TENM2: variants seen among roughly 807,000 people sequenced by gnomAD.
TENM2 encodes the protein teneurin transmembrane protein 2, also known as teneurin-2.
Under a neutral mutation model 245.2 loss-of-function variants are expected in TENM2, and 52 were observed. The observed-to-expected ratio is 0.21, with a 90% CI of 0.17 to 0.27. The LOEUF (loss-of-function observed/expected upper bound fraction) is 0.27. TENM2 is among the 10% of genes least tolerant of loss of function. The probability of loss-of-function intolerance (pLI) is 1.00; values close to 1 mark genes in which losing one functional copy is unlikely to be tolerated. For synonymous variants in TENM2, 1,363 were observed against 1,438.9 expected, an observed-to-expected ratio of 0.95 and a Z score of 1.19; for missense variants, 3,046 against 3,666.8, an observed-to-expected ratio of 0.83 and a Z score of 4.37.
At chr5:167,453,408 A>G (rs572157803) in intron 2 of TENM2, among the ~76,000 whole-genome samples, 1 of 152,230 alleles carries the variant, frequency 6.6e-6, no homozygotes, top group African/African-American at 2.4e-5. Context: ...TGTTTGAGTA[A>G]AAAAGACTTA....
intron 2 of TENM2, among the ~76,000 whole-genome samples, chr5:167,554,557 T>C (rs1251796054): frequency 6.6e-6 from 1 of 152,164 alleles, no homozygotes; most frequent in Non-Finnish European, 1.5e-5. Context: ...AAAAGACACT[T>C]CCAATGGCCA....
chr5:167,598,677 T>G (rs1268344032), intron 2 of TENM2, among the ~76,000 whole-genome samples: 1 of 152,154 alleles, frequency 6.6e-6, no homozygotes, highest in Non-Finnish European at 1.5e-5. Flanking sequence ...AATCACAACC[T>G]TCCTACAAAC....
At chr5:167,582,436 C>T (rs1200550836) in intron 2 of TENM2, among the ~76,000 whole-genome samples, 2 of 152,016 alleles carry the variant, frequency 1.3e-5, no homozygotes, top group African/African-American at 2.4e-5. Flanking sequence ...TTTATATACA[C>T]ACACATATAG....
At chr5:167,758,063 A>G (rs775322641) in intron 2 of TENM2, among the ~76,000 whole-genome samples, 2 of 152,182 alleles carry the variant, frequency 1.3e-5, no homozygotes, top group Non-Finnish European at 2.9e-5. Context: ...CAGAGTTTGC[A>G]CTGTGGGGTT....
chr5:168,062,812 C>T (rs1038519188), intron 7 of TENM2, among the ~76,000 whole-genome samples: 5 of 152,120 alleles, frequency 3.3e-5, no homozygotes, highest in African/African-American at 1.2e-4. Context: ...GTGTTTTGTC[C>T]AGAATAAGCA....
At chr5:167,176,143 C>G in the TENM2 span, among the ~76,000 whole-genome samples, 1 of 152,336 alleles carries the variant, frequency 6.6e-6, no homozygotes, top group East Asian at 1.9e-4. Flanking sequence ...ATGATATTCT[C>G]TCAGTGAGTC....
At chr5:167,005,402 C>T in the TENM2 span, among the ~76,000 whole-genome samples, 1 of 152,096 alleles carries the variant, frequency 6.6e-6, no homozygotes. Flanking sequence ...GAACCGTTGA[C>T]ATTTAGTAAT....
chr5:167,192,506 A>T, the TENM2 span, among the ~76,000 whole-genome samples: 4 of 152,034 alleles, frequency 2.6e-5, no homozygotes, highest in Admixed American at 6.6e-5. Context: ...TCTATACAGA[A>T]CAGGGCAAGA....
In TENM2 at chr5:168,057,305, C is replaced by T. The variant is rs1216223930; in HGVS notation, c.1310-4755C>T. ...TGCTGACCCCCTACCCCTGTCGCCT[C>T]GCCCAACACACACACACACACACAC... On this transcript the variant is annotated intron_variant, in intron 6 of 28. Transcript: ENST00000518659. 4.5e-5 allele frequency among the ~76,000 whole-genome samples: 6 copies of T among 134,610 alleles called. No individual in the cohort carries two copies. The South Asian group carries it at 1.0e-3, about 22-fold the overall frequency. The allele number at this position is 134,610 out of a possible 152,430, so 88.3% of individuals were successfully genotyped here.
rs916339310 is a variant in TENM2 at position 167,440,907 on chromosome 5, C to T, written c.502+65434C>T. Among the ~76,000 whole-genome samples, 8 of 152,188 alleles carry T rather than the reference C, an allele frequency of 5.3e-5. No homozygotes were observed. The South Asian group carries it at 1.0e-3, about 20-fold the overall frequency. ...GCAGCACTGTTTGGTTGTATCCAAT[C>T]GGTCATTTGTAATTAGTCCTGATCA... On this transcript the variant is annotated intron_variant, in intron 2 of 28. Transcript: ENST00000518659.
At chr5:168,090,800 A>C (rs982899069) in intron 8 of TENM2, 31 bp downstream of exon 10, 1 of 1,575,084 alleles carries the variant, frequency 6.3e-7, no homozygotes, top group Non-Finnish European at 8.7e-7. Flanking sequence ...ATGGTACGCC[A>C]TGAAGGGAAG....
At chr5:167,993,860 G>T (rs1298363263) in intron 5 of TENM2, among the ~76,000 whole-genome samples, 2 of 152,250 alleles carry the variant, frequency 1.3e-5, no homozygotes, top group Non-Finnish European at 2.9e-5. Context: ...CTCAGTGTAT[G>T]ACATAGGTGA....
In TENM2 at chr5:167,353,574, C is replaced by G. The variant is rs375116477; in HGVS notation, c.227-21624C>G. Among the ~76,000 whole-genome samples the G allele has an allele frequency of 6.4e-3, 762 of 119,014 alleles. 6 individuals carry two copies. Among genetic ancestry groups the G allele is most frequent in the East Asian group, 0.025 (85 of 3,424 alleles). 78.1% of individuals were successfully genotyped at this position (119,014 alleles called of 152,430 possible). Reference sequence around the variant, plus strand: ...CCAGGCTGGAGTGCAGTGGCGGGATCTCGGCTCACTGCAAGCTCCGCCTCC... The same window carrying G: ...CCAGGCTGGAGTGCAGTGGCGGGATGTCGGCTCACTGCAAGCTCCGCCTCC... On this transcript the variant is annotated intron_variant, in intron 1 of 28. Coordinates refer to ENST00000518659, the Ensembl canonical transcript of TENM2.
chr5:167,189,010 T>C, the TENM2 span, among the ~76,000 whole-genome samples: 3 of 152,130 alleles, frequency 2.0e-5, no homozygotes, highest in African/African-American at 7.2e-5. Flanking sequence ...TTTAACACTT[T>C]TTTCCTGTTA....
rs146413895 is a variant in TENM2 at position 167,777,564 on chromosome 5, G to C, written c.503-98422G>C. Among the ~76,000 whole-genome samples the C allele has an allele frequency of 3.5e-3, 535 of 152,254 alleles. 3 individuals are homozygous for C. The highest frequency in any genetic ancestry group is 0.024 in the Middle Eastern group (7 of 294). On this transcript the variant is annotated intron_variant, in intron 2 of 28. Coordinates refer to ENST00000518659, the Ensembl canonical transcript of TENM2. ...ATCTCAGCCCTGGCACGTTTTACAT[G>C]TGTGATTTTGAGAAAGTTCCCTTGA...
At chr5:167,759,202 C>A (rs1333390591) in intron 2 of TENM2, among the ~76,000 whole-genome samples, 1 of 150,944 alleles carries the variant, frequency 6.6e-6, no homozygotes, top group Non-Finnish European at 1.5e-5. Context: ...GATTACTTAA[C>A]TAGCAAGTTG....
At chr5:167,161,982 C>T in the TENM2 span, among the ~76,000 whole-genome samples, 3 of 151,876 alleles carry the variant, frequency 2.0e-5, no homozygotes, top group South Asian at 6.2e-4. Flanking sequence ...TCCTGGCCAA[C>T]ATGATGATAC....
the TENM2 span, among the ~76,000 whole-genome samples, chr5:167,271,096 A>G: frequency 6.6e-6 from 1 of 152,146 alleles, no homozygotes; most frequent in African/African-American, 2.4e-5. Context: ...AGAGGGGCAC[A>G]TTCAATGGAA....
intron 2 of TENM2, among the ~76,000 whole-genome samples, chr5:167,642,172 A>G (rs1034184333): frequency 2.7e-5 from 4 of 150,322 alleles, no homozygotes; most frequent in Admixed American, 6.6e-5. Context: ...ATATATATAT[A>G]TAAACACTCA....
Sources: allele counts gnomAD v4.1 joint callset (sites outside exome capture counted in the v4.1 genomes callset), GRCh38; gene constraint gnomAD v4.1.1; transcripts MANE v1.5; gene names NCBI Gene and HGNC (gene_info 2026-07-23, HGNC 2026-07-21).